ANTXR1: variants seen among roughly 807,000 people sequenced by gnomAD.
ANTXR1 encodes the protein anthrax toxin receptor 1.
In ANTXR1, 19 loss-of-function variants were observed where a neutral mutation model predicts 78.1. The ratio of observed to expected loss-of-function variants is 0.24; its 90% CI spans 0.17 to 0.36. The LOEUF is 0.36. ANTXR1 is among the 10% of genes least tolerant of loss of function. The pLI, the probability that ANTXR1 is intolerant of heterozygous loss-of-function variation, is 1.00. For synonymous variants in ANTXR1, 273 were observed against 260.5 expected, an observed-to-expected ratio of 1.05 and a Z score of -0.46; for missense variants, 518 against 718.6, an observed-to-expected ratio of 0.72 and a Z score of 3.19.
intron 12 of ANTXR1, among the ~76,000 whole-genome samples, chr2:69,141,338 C>G (rs757299744): frequency 6.6e-6 from 1 of 152,178 alleles, no homozygotes; most frequent in Non-Finnish European, 1.5e-5. Context: ...ATCTGGGAAG[C>G]AGGAATTATC....
intron 5 of ANTXR1, among the ~76,000 whole-genome samples, chr2:69,072,246 A>G (rs1290951491): frequency 2.0e-5 from 3 of 152,218 alleles, no homozygotes; most frequent in African/African-American, 7.2e-5. Flanking sequence ...ACTGCATAAA[A>G]TATACTCAGT....
intron 2 of ANTXR1, among the ~76,000 whole-genome samples, chr2:69,044,138 A>AT (rs1300385384): frequency 6.6e-6 from 1 of 152,178 alleles, no homozygotes; most frequent in Admixed American, 6.5e-5. Context: ...AACCATGCCA[A>AT]TTTATTCATT....
intron 17 of ANTXR1, among the ~76,000 whole-genome samples, chr2:69,194,807 C>T (rs560027576): frequency 6.5e-4 from 98 of 150,660 alleles, no homozygotes; most frequent in Non-Finnish European, 1.2e-3. Flanking sequence ...GAGCCGAGAT[C>T]GCACCACTGC....
At chr2:69,192,835 G>A (rs928015615) in intron 16 of ANTXR1, among the ~76,000 whole-genome samples, 2 of 152,132 alleles carry the variant, frequency 1.3e-5, no homozygotes, top group East Asian at 1.9e-4. Flanking sequence ...TATAGCTGCT[G>A]AGCAAGCCTA....
intron 12 of ANTXR1, chr2:69,145,328 C>A: frequency 6.3e-7 from 1 of 1,593,752 alleles, no homozygotes; most frequent in Non-Finnish European, 8.6e-7. Context: ...TCTTAAAGAG[C>A]CTCCACAAAA....
intron 8 of ANTXR1, among the ~76,000 whole-genome samples, chr2:69,080,164 C>T (rs1254081785): frequency 6.6e-6 from 1 of 152,156 alleles, no homozygotes; most frequent in Non-Finnish European, 1.5e-5. Flanking sequence ...ATGTTTATGG[C>T]AGTTGTTCAT....
At chr2:69,022,294 G>A (rs555430699) in intron 1 of ANTXR1, among the ~76,000 whole-genome samples, 3 of 152,144 alleles carry the variant, frequency 2.0e-5, no homozygotes, top group South Asian at 2.1e-4. Flanking sequence ...TTGATGGGAC[G>A]GTGTTTCATT....
intron 9 of ANTXR1, among the ~76,000 whole-genome samples, chr2:69,096,295 AG>A (rs1558541163): frequency 0.043 from 144 of 3,388 alleles, 18 homozygotes; most frequent in African/African-American, 0.13. Context: ...GAAGGGAGGA[AG>A]GGAGGAAGGG....
chr2:69,191,941 G>A (rs888652644), intron 16 of ANTXR1, among the ~76,000 whole-genome samples: 10 of 152,076 alleles, frequency 6.6e-5, no homozygotes, highest in African/African-American at 2.4e-4. Context: ...GGGACTGCTG[G>A]GACAATTCAA....
chr2:69,193,105 G>A (rs1299271744), intron 16 of ANTXR1, among the ~76,000 whole-genome samples: 1 of 152,074 alleles, frequency 6.6e-6, no homozygotes, highest in Non-Finnish European at 1.5e-5. Flanking sequence ...CAAACCTCAG[G>A]GTGCGTCCTT....
At chr2:69,099,823 T>C (rs1352556418) in intron 9 of ANTXR1, among the ~76,000 whole-genome samples, 1 of 152,234 alleles carries the variant, frequency 6.6e-6, no homozygotes. Flanking sequence ...ATATGTTATT[T>C]ATTCAATCAC....
At chr2:69,044,314 T>C (rs963266212) in intron 2 of ANTXR1, among the ~76,000 whole-genome samples, 2 of 152,124 alleles carry the variant, frequency 1.3e-5, no homozygotes, top group Admixed American at 1.3e-4. Flanking sequence ...TAATAGCTGA[T>C]GGCATCAAGC....
chr2:69,156,049 C>T (rs1673515686), intron 13 of ANTXR1, among the ~76,000 whole-genome samples: 1 of 152,136 alleles, frequency 6.6e-6, no homozygotes, highest in Admixed American at 6.5e-5. Flanking sequence ...CCTCCCGCTC[C>T]CAAGATATCA....
chr2:69,085,988 G>T (rs1303016055), intron 8 of ANTXR1, among the ~76,000 whole-genome samples: 2 of 152,164 alleles, frequency 1.3e-5, no homozygotes, highest in African/African-American at 2.4e-5. Context: ...ACCAGAATTT[G>T]CCCTTTACAA....
At chr2:69,020,229 T>C (rs1303522637) in intron 1 of ANTXR1, among the ~76,000 whole-genome samples, 1 of 152,200 alleles carries the variant, frequency 6.6e-6, no homozygotes, top group Non-Finnish European at 1.5e-5. Flanking sequence ...TCTTTTATTA[T>C]TATTATTTTT....
intron 3 of ANTXR1, among the ~76,000 whole-genome samples, chr2:69,049,727 T>C (rs1454712180): frequency 6.6e-6 from 1 of 152,200 alleles, no homozygotes; most frequent in Non-Finnish European, 1.5e-5. Context: ...TCTTCTTTTC[T>C]AATATTTATA....
intron 13 of ANTXR1, among the ~76,000 whole-genome samples, chr2:69,155,693 AG>A (rs1673501545): frequency 6.6e-6 from 1 of 152,220 alleles, no homozygotes; most frequent in Non-Finnish European, 1.5e-5. Context: ...CAGTGACATT[AG>A]GGCACTAAAA....
intron 10 of ANTXR1, among the ~76,000 whole-genome samples, chr2:69,110,649 C>T (rs1473706195): frequency 1.3e-5 from 2 of 151,982 alleles, no homozygotes; most frequent in East Asian, 1.9e-4. Context: ...ACAAGGTCTC[C>T]GGAGATGGAG....
intron 9 of ANTXR1, among the ~76,000 whole-genome samples, chr2:69,098,846 T>A (rs1671513845): frequency 6.6e-6 from 1 of 152,068 alleles, no homozygotes; most frequent in African/African-American, 2.4e-5. Context: ...ATTAGCCCGG[T>A]GTACTGGCAC....
Sources: gnomAD v4.1 joint callset for allele counts (sites outside exome capture counted in the v4.1 genomes callset) on GRCh38, gnomAD v4.1.1 for gene constraint, MANE v1.5 for transcripts, NCBI Gene and HGNC (gene_info 2026-07-23, HGNC 2026-07-21) for gene names.